The following YIPF5 variants were observed in gnomAD, a reference collection of about 807,000 sequenced individuals.
YIPF5 encodes the protein Yip1 domain family member 5.
YIPF5 carries 8 observed loss-of-function variants against 30.4 expected under a neutral mutation model. The ratio of observed to expected loss-of-function variants is 0.26; its 90% CI spans 0.15 to 0.47. The LOEUF (loss-of-function observed/expected upper bound fraction) is 0.47. Among genes scored for constraint, YIPF5 ranks in the 20% least tolerant of loss-of-function variants. The probability of loss-of-function intolerance (pLI) is 0.99; values close to 1 mark genes in which losing one functional copy is unlikely to be tolerated. For synonymous variants in YIPF5, 104 were observed against 107.9 expected (o/e 0.96, Z 0.23); for missense variants, 282 against 301.8 (o/e 0.93, Z 0.49).
At chr5:144,167,443 C>G (rs1225323708) in intron 2 of YIPF5, among the ~76,000 whole-genome samples, 1 of 151,880 alleles carries the variant, frequency 6.6e-6, no homozygotes, top group African/African-American at 2.4e-5. Flanking sequence ...GGTTGGTTAC[C>G]TAAGTTCATG....
Position 144,169,886 on chromosome 5 carries a change from G to A in YIPF5, c.70C>T (p.Gln24Ter). 1.2e-6 allele frequency: 2 copies of A among 1,614,214 alleles called. No individual in the cohort carries two copies. The highest frequency in any genetic ancestry group is 8.5e-7 in the Non-Finnish European group (1 of 1,180,034). Residue 24 changes from glutamine to a stop codon, truncating the protein, a stop_gained, in exon 2 of 6, where the codon CAG (glutamine) becomes TAG (stop). Coordinates refer to ENST00000274496, the MANE Select transcript of YIPF5 (RefSeq NM_030799.9). LOFTEE classifies it high-confidence loss of function. ...CCACTTCCTCCATAATCATAGGACT[G>A]CTGTGACTGATCATCGATGCTGTAA... is the stretch of plus-strand genomic sequence containing the variant. ...TSYSIDDQSQ[Q>*]SYDYGGSGGP...
At position 144,162,202 on chromosome 5, in the gene YIPF5, A is replaced by G. The variant is rs772843965; in HGVS notation, c.611+16T>C. 8.1e-6 allele frequency: 13 copies of G among 1,607,192 alleles called. No individual in the cohort carries two copies. Among genetic ancestry groups the G allele is most frequent in the Non-Finnish European group, 1.1e-5 (13 of 1,177,154 alleles). ...GAATTGGTCAATCAACCCCCAAAAT[A>G]AAGAACAGTACTTACTGCAAAGAAA... is the stretch of plus-strand genomic sequence containing the variant. On this transcript the variant is annotated intron_variant, in intron 5 of 5. Transcript: ENST00000274496.
chr5:144,165,336 T>C (rs1250631972), intron 3 of YIPF5, 96 bp downstream of exon 3: 9 of 1,485,414 alleles, frequency 6.1e-6, no homozygotes. Flanking sequence ...CAGATTATTT[T>C]TTTTAAAGGA....
chr5:144,165,660 T>C lies in YIPF5; in HGVS notation c.111-56A>G, dbSNP rs578141553. 1.8e-5 allele frequency: 28 copies of C among 1,536,102 alleles called. No homozygotes were observed. In the African/African-American group the frequency reaches 3.4e-4, roughly 19 times the overall value. On this transcript the variant is annotated intron_variant, in intron 2 of 5. Transcript: ENST00000274496. Reference sequence around the variant, plus strand: ...AGGTATTTCAACTCTGTACAGTTAATATCCCTTAAATTCCTAAATTTTCAT... The same window carrying C: ...AGGTATTTCAACTCTGTACAGTTAACATCCCTTAAATTCCTAAATTTTCAT...
rs182385433 is a variant in YIPF5, at chr5:144,161,126, A to T, written c.612-567T>A. On this transcript the variant is annotated intron_variant, in intron 5 of 5. Transcript: ENST00000274496. ...ATTCAAAGCAGAAATAGTGTAAAGC[A>T]TCATCTTGCCAAATTTCTTGTATTG... Among the ~76,000 whole-genome samples the T allele has an allele frequency of 8.6e-4, 131 of 152,320 alleles. 1 individual carries two copies. Among genetic ancestry groups the T allele is most frequent in the Non-Finnish European group, 1.3e-3 (87 of 68,032 alleles).
In YIPF5 at chr5:144,164,270, A is replaced by C; in HGVS notation, c.284-14T>G. 1 of 1,593,926 alleles carries C rather than the reference A, an allele frequency of 6.3e-7. No homozygotes were observed. The highest frequency in any genetic ancestry group is 8.5e-7 in the Non-Finnish European group (1 of 1,170,252). On this transcript the variant is annotated splice_polypyrimidine_tract_variant and intron_variant, in intron 3 of 5. Transcript: ENST00000274496. ...TGATACCTAACTCTAAAGAGAAAGA[A>C]AATTTAAAAGTTAATTAGGATTTGT... is the stretch of plus-strand genomic sequence containing the variant.
intron 5 of YIPF5, among the ~76,000 whole-genome samples, 163 bp from the exon 6 acceptor site, chr5:144,160,722 A>T (rs1385719943): frequency 6.6e-6 from 1 of 152,220 alleles, no homozygotes; most frequent in Non-Finnish European, 1.5e-5. Flanking sequence ...CAAATGCTAA[A>T]ATGTACCTCA....
Position 144,164,166 on chromosome 5 carries a change from G to C in YIPF5, c.374C>G (p.Thr125Ser). ...KVADGSIMNE[T>S]DLAGPMVFCL... ...AAAAACCATTGGACCTGCCAAATCA[G>C]TTTCATTCATGATGCTGCCATCTGC... is the stretch of plus-strand genomic sequence containing the variant. Residue 125 changes from threonine to serine, a missense_variant, in exon 4 of 6, where the codon ACT becomes AGT. Coordinates refer to ENST00000274496, the MANE Select transcript of YIPF5 (RefSeq NM_030799.9). 1 of 1,613,572 alleles carries C rather than the reference G, an allele frequency of 6.2e-7. No homozygotes were observed. The highest frequency in any genetic ancestry group is 8.5e-7 in the Non-Finnish European group (1 of 1,179,738).
At position 144,159,930 on chromosome 5, in the gene YIPF5, G is replaced by C. The variant is rs368088396; in HGVS notation, c.*467C>G. Reference sequence around the variant, plus strand: ...TCACCGTGTTAACCAGGATGGTCTCGATCTCCTGCCCTTGTGATCCGCCCG... The same window carrying C: ...TCACCGTGTTAACCAGGATGGTCTCCATCTCCTGCCCTTGTGATCCGCCCG... On this transcript the variant is annotated 3_prime_UTR_variant, in exon 6 of 6. Coordinates refer to ENST00000274496, the MANE Select transcript of YIPF5 (RefSeq NM_030799.9). The C allele has an allele frequency of 2.8e-5, 23 of 831,124 alleles. 1 individual carries two copies. In the South Asian group the frequency reaches 8.8e-4, roughly 32 times the overall value. 51.5% of individuals were successfully genotyped at this position (831,124 alleles called of 1,614,324 possible).
chr5:144,160,580 G>A, intron 5 of YIPF5, 21 bp from the exon 6 acceptor site: 1 of 1,586,634 alleles, frequency 6.3e-7, no homozygotes, highest in Non-Finnish European at 8.6e-7. Flanking sequence ...CAAGGAAAAA[G>A]GGGGGAGAAG....
At chr5:144,162,509 T>C (rs1752077810) in intron 4 of YIPF5, 110 bp from the exon 5 acceptor site, 5 of 953,420 alleles carry the variant, frequency 5.2e-6, no homozygotes, top group Non-Finnish European at 7.9e-6. Context: ...CAAAATCTAC[T>C]AATCTATCTA....
chr5:144,159,419 A>G lies in YIPF5; in HGVS notation c.*978T>C. ...GGAAATGTGGCGATCCAACGATTAT[A>G]GCATTAATGCAACCATTCCAGGTCC... On this transcript the variant is annotated 3_prime_UTR_variant, in exon 6 of 6. Transcript: ENST00000274496. 1.0e-6 allele frequency: 1 copy of G among 985,448 alleles called. No individual in the cohort carries two copies. The highest frequency in any genetic ancestry group is 1.7e-5 in the African/African-American group (1 of 57,368). 61.0% of individuals were successfully genotyped at this position (985,448 alleles called of 1,614,324 possible).
intron 2 of YIPF5, among the ~76,000 whole-genome samples, chr5:144,167,912 G>A (rs1752245286): frequency 8.7e-6 from 1 of 115,362 alleles, no homozygotes; most frequent in African/African-American, 2.7e-5. Flanking sequence ...TAACGGAGAT[G>A]GACATTTAAA....
intron 2 of YIPF5, among the ~76,000 whole-genome samples, chr5:144,166,176 C>A (rs964612287): frequency 6.6e-6 from 1 of 152,172 alleles, no homozygotes; most frequent in Non-Finnish European, 1.5e-5. Flanking sequence ...GCTTTGTGAG[C>A]ACTTGCTGAA....
rs1751958046 is a variant in YIPF5, at chr5:144,159,277, T to C, written c.*1120A>G. ...AATTCAATAACACAGTTAAAATTAA[T>C]TGGGAAAGTTTTAATAAGCATTCAA... On this transcript the variant is annotated 3_prime_UTR_variant, in exon 6 of 6. Coordinates refer to ENST00000274496, the MANE Select transcript of YIPF5 (RefSeq NM_030799.9). 1 of 971,516 alleles carries C rather than the reference T, an allele frequency of 1.0e-6. No individual in the cohort carries two copies. The highest frequency in any genetic ancestry group is 1.8e-5 in the African/African-American group (1 of 56,978). The allele number at this position is 971,516 out of a possible 1,614,324, so 60.2% of individuals were successfully genotyped here.
At chr5:144,170,214 G>A in intron 1 of YIPF5, 1 of 470,802 alleles carries the variant, frequency 2.1e-6, no homozygotes. Context: ...TTCCATTAGG[G>A]GCGAGGTCGT....
At chr5:144,170,196 G>C (rs1037082696) in intron 1 of YIPF5, 2 of 513,300 alleles carry the variant, frequency 3.9e-6, no homozygotes, top group African/African-American at 3.8e-5. Context: ...TTAAAGAGCT[G>C]ATATGCCTTC....
At chr5:144,170,021 G>T in intron 1 of YIPF5, 56 bp from the exon 2 acceptor site, 7 of 1,399,992 alleles carry the variant, frequency 5.0e-6, no homozygotes, top group Non-Finnish European at 7.1e-6. Flanking sequence ...TACTGAATTC[G>T]TTCCTGGCAG....
chr5:144,166,277 T>C (rs571828632), intron 2 of YIPF5, among the ~76,000 whole-genome samples: 2 of 152,284 alleles, frequency 1.3e-5, no homozygotes, highest in African/African-American at 4.8e-5. Context: ...ATTGTCTCAT[T>C]TGATATGTGC....
Sources: allele counts gnomAD v4.1 joint callset (sites outside exome capture counted in the v4.1 genomes callset), GRCh38; gene constraint gnomAD v4.1.1; transcripts MANE v1.5; gene names NCBI Gene and HGNC (gene_info 2026-07-23, HGNC 2026-07-21).